ABTB1: variants seen among roughly 807,000 people sequenced by gnomAD.
The protein encoded by ABTB1 is ankyrin repeat and BTB domain containing 1, also known as ankyrin repeat and BTB/POZ domain-containing protein 1.
A neutral mutation model predicts 57.1 loss-of-function variants in ABTB1; 45 were observed. That is an observed-to-expected ratio of 0.79 (90% confidence interval 0.62 to 1.01). ABTB1 has a LOEUF of 1.01. Ranked by LOEUF, ABTB1 falls within the 50% of genes least tolerant of loss-of-function variation. ABTB1 has a pLI of 0.00. For synonymous variants in ABTB1, 302 were observed against 275.4 expected (o/e 1.10, Z -0.95); for missense variants, 630 against 666.3 (o/e 0.95, Z 0.60).
At chr3:127,674,649 G>C (rs746062317) in intron 3 of ABTB1, 49 bp downstream of exon 3, 8 of 1,603,374 alleles carry the variant, frequency 5.0e-6, no homozygotes, top group Non-Finnish European at 6.8e-6. Flanking sequence ...GCATGCATGT[G>C]TGCGTGTGGG....
At chr3:127,677,918 G>C in intron 10 of ABTB1, 75 bp downstream of exon 10, 1 of 1,534,612 alleles carries the variant, frequency 6.5e-7, no homozygotes, top group Non-Finnish European at 8.8e-7. Context: ...CCAGGGCCCT[G>C]GGGGTCTGTG....
chr3:127,675,221 T>C (rs1012546729), intron 3 of ABTB1, among the ~76,000 whole-genome samples: 1 of 151,854 alleles, frequency 6.6e-6, no homozygotes, highest in Non-Finnish European at 1.5e-5. Flanking sequence ...CTTTCATGAC[T>C]TCCCTTCATT....
chr3:127,676,323 G>GCCATT lies in ABTB1; in HGVS notation c.375_379dup (p.Arg127HisfsTer36). 1 of 1,614,146 alleles carries GCCATT rather than the reference G, an allele frequency of 6.2e-7. No individual in the cohort carries two copies. Among genetic ancestry groups the GCCATT allele is most frequent in the Non-Finnish European group, 8.5e-7 (1 of 1,180,016 alleles). ...ACGTGGTCTTTGTAGTACACGGGAA[G>GCCATT]CCATTCCGGGTGCATCGCTGCGTCC... On this transcript the variant is annotated frameshift_variant, in exon 5 of 12. Transcript: ENST00000232744. LOFTEE classifies it high-confidence loss of function. This position sits in a 1 kb window ranked among gnomAD's most constrained non-coding sequence, Gnocchi z 5.4.
intron 3 of ABTB1, among the ~76,000 whole-genome samples, chr3:127,675,057 G>A (rs536661310): frequency 1.3e-5 from 2 of 151,706 alleles, no homozygotes; most frequent in African/African-American, 2.4e-5. Context: ...CACTGGCCTC[G>A]CTGGGGCTCC....
chr3:127,676,843 G>T lies in ABTB1; in HGVS notation c.527-124G>T. The T allele has an allele frequency of 1.0e-6, 1 of 992,560 alleles. No homozygotes were observed. The highest frequency in any genetic ancestry group is 1.5e-6 in the Non-Finnish European group (1 of 674,444). The allele number at this position is 992,560 out of a possible 1,614,324, so 61.5% of individuals were successfully genotyped here. ...CAGCTTTTGATGGGGAAACCATGGTGGCAAGTGGGCCCAGGAGTCCTAGTC... is the reference window on the plus strand; with the variant it reads ...CAGCTTTTGATGGGGAAACCATGGTTGCAAGTGGGCCCAGGAGTCCTAGTC... On this transcript the variant is annotated intron_variant, in intron 6 of 11. Coordinates refer to ENST00000232744, the MANE Select transcript of ABTB1 (RefSeq NM_172027.3). The surrounding 1 kb of genome is among the most constrained non-coding windows in gnomAD (Gnocchi z 5.4).
chr3:127,676,874 G>A lies in ABTB1; in HGVS notation c.527-93G>A. The A allele has an allele frequency of 7.8e-7, 1 of 1,275,778 alleles. No individual in the cohort carries two copies. Among genetic ancestry groups the A allele is most frequent in the East Asian group, 2.4e-5 (1 of 41,930 alleles). The allele number at this position is 1,275,778 out of a possible 1,614,324, so 79.0% of individuals were successfully genotyped here. On this transcript the variant is annotated intron_variant, in intron 6 of 11. Coordinates refer to ENST00000232744, the MANE Select transcript of ABTB1 (RefSeq NM_172027.3). This position sits in a 1 kb window ranked among gnomAD's most constrained non-coding sequence, Gnocchi z 5.4. ...TGGGCCCAGGAGTCCTAGTCCTGCAGCCAGGTGGCCAGGTGGGAGGGGATC... is the reference window on the plus strand; with the variant it reads ...TGGGCCCAGGAGTCCTAGTCCTGCAACCAGGTGGCCAGGTGGGAGGGGATC...
In ABTB1 at chr3:127,676,538, C is replaced by A. The variant is rs530785014; in HGVS notation, c.483C>A (p.Ile161=). Residue 161 remains isoleucine (I), a splice_region_variant and synonymous_variant, in exon 6 of 12, where the codon ATC becomes ATA. Transcript: ENST00000232744. This position sits in a 1 kb window ranked among gnomAD's most constrained non-coding sequence, Gnocchi z 5.4. The part of the protein sequence containing the change: ...KSVVVLRHPL[I]NPVAFGALLQ... ...ACTTTCTGGTTTTCTGCCCACAGAT[C>A]AACCCCGTGGCCTTTGGGGCCCTGC... 3 of 1,614,156 alleles carry A rather than the reference C, an allele frequency of 1.9e-6. No individual in the cohort carries two copies. The African/African-American group carries it at 4.0e-5, about 22-fold the overall frequency.
chr3:127,675,942 G>A (rs760321384), intron 3 of ABTB1, 28 bp from the exon 4 acceptor site: 1 of 1,592,902 alleles, frequency 6.3e-7, no homozygotes. Flanking sequence ...CCCCTTCCCT[G>A]CTAACTGGTG....
intron 1 of ABTB1, 31 bp downstream of exon 1, chr3:127,673,112 G>A (rs1420949851): frequency 2.0e-6 from 3 of 1,512,946 alleles, no homozygotes; most frequent in South Asian, 1.2e-5. Flanking sequence ...GGGAGGGTGC[G>A]GGAGGTGGCC....
intron 1 of ABTB1, 47 bp from the exon 2 acceptor site, chr3:127,674,344 G>T: frequency 6.3e-7 from 1 of 1,578,878 alleles, no homozygotes; most frequent in South Asian, 1.2e-5. Flanking sequence ...TTCTTTCTCA[G>T]ACCATGAACC....
chr3:127,680,497 G>T lies in ABTB1; in HGVS notation c.*22G>T. The T allele has an allele frequency of 6.3e-7, 1 of 1,596,338 alleles. No homozygotes were observed. On this transcript the variant is annotated 3_prime_UTR_variant, in exon 12 of 12. Transcript: ENST00000232744. ...TTGAGCCCCTGGCTGGGCAGCCCCAGGGGCCAGGAGCTCTCTTGGAGACAA... is the reference window on the plus strand; with the variant it reads ...TTGAGCCCCTGGCTGGGCAGCCCCATGGGCCAGGAGCTCTCTTGGAGACAA...
At chr3:127,674,084 C>T in intron 1 of ABTB1, 1 of 432,514 alleles carries the variant, frequency 2.3e-6, no homozygotes. Flanking sequence ...GGCTCCATCA[C>T]CTCCTCTCCC....
rs372495700 is a variant in ABTB1, at chr3:127,680,403, C to A, written c.1365C>A (p.Ser455Arg). ...FHVASTVQTYSAIEEAQQRLR... is the reference protein window; with the variant it reads ...FHVASTVQTYRAIEEAQQRLR... ...TGGCCAGCACGGTGCAGACCTACAGCGCCATAGAGGAGGCGCAGCAGCGTC... is the reference window on the plus strand; with the variant it reads ...TGGCCAGCACGGTGCAGACCTACAGAGCCATAGAGGAGGCGCAGCAGCGTC... Residue 455 changes from serine (S) to arginine (R), a missense_variant, in exon 12 of 12, where the codon AGC becomes AGA. By Grantham distance (110) the Ser-to-Arg change is moderately radical. Around this residue, in one of 3 missense-constraint regions of ABTB1, gnomAD observed 43 missense variants for 56.1 expected, o/e 0.77. Coordinates refer to ENST00000232744, the MANE Select transcript of ABTB1 (RefSeq NM_172027.3). 6 of 1,607,586 alleles carry A rather than the reference C, an allele frequency of 3.7e-6. No individual in the cohort carries two copies. In the East Asian group the frequency reaches 1.3e-4, roughly 36 times the overall value.
chr3:127,674,497 C>T, intron 2 of ABTB1, 44 bp downstream of exon 2: 1 of 1,613,930 alleles, frequency 6.2e-7, no homozygotes. Context: ...GGTTGGTGCA[C>T]CCCTTCAGCA....
At position 127,680,613 on chromosome 3, in the gene ABTB1, C is replaced by T; in HGVS notation, c.*138C>T. The T allele has an allele frequency of 9.1e-7, 1 of 1,093,458 alleles. No homozygotes were observed. The highest frequency in any genetic ancestry group is 1.4e-6 in the Non-Finnish European group (1 of 725,784). 67.7% of individuals were successfully genotyped at this position (1,093,458 alleles called of 1,614,324 possible). A position where few individuals can be genotyped will look rare whatever the true frequency, so the allele number is the denominator to read the frequency against. ...GTGCGAGGGGCTCAGTGGGGCTTCT[C>T]TTCCCTCCATGAGCCTGGAGACCCC... On this transcript the variant is annotated 3_prime_UTR_variant, in exon 12 of 12. Transcript: ENST00000232744.
At chr3:127,674,703 G>A in intron 3 of ABTB1, 103 bp downstream of exon 3, 1 of 1,377,668 alleles carries the variant, frequency 7.3e-7, no homozygotes, top group Non-Finnish European at 1.0e-6. Flanking sequence ...ATACACATTT[G>A]CAAAGCACCA....
In ABTB1 at chr3:127,677,574, C is replaced by T; in HGVS notation, c.861+11C>T. Reference sequence around the variant, plus strand: ...TTCCTCTGCCACAAGGTGCCTGTGCCCTCCTGTTGCCCCTGGCCCCAGCCC... The same window carrying T: ...TTCCTCTGCCACAAGGTGCCTGTGCTCTCCTGTTGCCCCTGGCCCCAGCCC... On this transcript the variant is annotated intron_variant, in intron 9 of 11. Transcript: ENST00000232744. 2 of 1,613,836 alleles carry T rather than the reference C, an allele frequency of 1.2e-6. No individual in the cohort carries two copies. Among genetic ancestry groups the T allele is most frequent in the Non-Finnish European group, 8.5e-7 (1 of 1,180,010 alleles).
chr3:127,680,527 G>GT lies in ABTB1; in HGVS notation c.*53dup. 6.3e-7 allele frequency: 1 copy of GT among 1,585,042 alleles called. No individual in the cohort carries two copies. ...CAGGAGCTCTCTTGGAGACAAGCAT[G>GT]TGTATGCGTTTGTGTGCAGCTCTTC... On this transcript the variant is annotated 3_prime_UTR_variant, in exon 12 of 12. Coordinates refer to ENST00000232744, the MANE Select transcript of ABTB1 (RefSeq NM_172027.3).
At chr3:127,679,802 T>A in intron 10 of ABTB1, 183 bp from the exon 11 acceptor site, 2 of 378,046 alleles carry the variant, frequency 5.3e-6, no homozygotes, top group South Asian at 2.0e-5. Flanking sequence ...GTCCTGCAGA[T>A]CCCTGTGGGA....
Sources: allele counts gnomAD v4.1 joint callset (sites outside exome capture counted in the v4.1 genomes callset), GRCh38; gene constraint gnomAD v4.1.1; regional missense constraint gnomAD v4.1.1; non-coding constraint Gnocchi (gnomAD v3.1); transcripts MANE v1.5; gene names NCBI Gene and HGNC (gene_info 2026-07-23, HGNC 2026-07-21).